Variants in NEURL4 observed in about 807,000 individuals in gnomAD.
NEURL4 encodes the protein neuralized E3 ubiquitin protein ligase 4.
NEURL4 carries 45 observed loss-of-function variants against 148.0 expected under a neutral mutation model. The observed-to-expected ratio is 0.30, with a 90% CI of 0.24 to 0.39. The LOEUF is 0.39. Among genes scored for constraint, NEURL4 ranks in the 10% least tolerant of loss-of-function variants. The pLI is 1.00. For missense variants in NEURL4, 1,776 were observed against 2,144.0 expected, an observed-to-expected ratio of 0.83 and a Z score of 3.39; for synonymous variants, 854 against 869.0, an observed-to-expected ratio of 0.98 and a Z score of 0.30.
chr17:7,315,981 G>A lies in NEURL4; in HGVS notation c.*142C>T, dbSNP rs1158867562. The A allele has an allele frequency of 4.7e-6, 3 of 636,278 alleles. No individual in the cohort carries two copies. Among genetic ancestry groups the A allele is most frequent in the Non-Finnish European group, 8.6e-6 (3 of 349,156 alleles). 39.4% of individuals were successfully genotyped at this position (636,278 alleles called of 1,614,324 possible). A position where few individuals can be genotyped will look rare whatever the true frequency, so the allele number is the denominator to read the frequency against. On this transcript the variant is annotated 3_prime_UTR_variant, in exon 29 of 29. Coordinates refer to ENST00000399464, the MANE Select transcript of NEURL4 (RefSeq NM_032442.3). Reference sequence around the variant, plus strand: ...TGCCACTTGCCACCTACATCTGAGAGCCTGCCTACATGCTCCTGCGCGGCT... The same window carrying A: ...TGCCACTTGCCACCTACATCTGAGAACCTGCCTACATGCTCCTGCGCGGCT...
At chr17:7,319,241 C>T in intron 21 of NEURL4, 33 bp from the exon 22 acceptor site, 1 of 1,576,158 alleles carries the variant, frequency 6.3e-7, no homozygotes, top group South Asian at 1.2e-5. Flanking sequence ...ATAATCACAG[C>T]CTCCTGGGAA....
At position 7,321,747 on chromosome 17, in the gene NEURL4, A is replaced by G; in HGVS notation, c.2912T>C (p.Leu971Pro). The G allele has an allele frequency of 6.2e-7, 1 of 1,613,654 alleles. No homozygotes were observed. The stretch of plus-strand genomic sequence containing the variant: ...TGCTAGTGTGGTCAGCCCCAGCCGC[A>G]GGGAACCTGCCCACTTCTCATCTAG... The part of the protein sequence containing the change: ...EELDEKWAGS[L>P]RLGLTTLAPG... The change falls in exon 18 of 29, where the codon CTG (leucine) becomes CCG (proline). Residue 971 changes from leucine to proline, a missense_variant. Physicochemically the swap from Leu to Pro is moderately conservative, Grantham distance 98. Coordinates refer to ENST00000399464, the MANE Select transcript of NEURL4 (RefSeq NM_032442.3). The surrounding 1 kb of genome is among the most constrained non-coding windows in gnomAD (Gnocchi z 6.3).
rs750227891 is a variant in NEURL4 at position 7,322,048 on chromosome 17, G to A, written c.2726-38C>T. 3 of 1,555,218 alleles carry A rather than the reference G, an allele frequency of 1.9e-6. No homozygotes were observed. The highest frequency in any genetic ancestry group is 2.6e-6 in the Non-Finnish European group (3 of 1,154,916). On this transcript the variant is annotated intron_variant, in intron 16 of 28. Transcript: ENST00000399464. This position sits in a 1 kb window ranked among gnomAD's most constrained non-coding sequence, Gnocchi z 5.5. ...GGCACCAGTAGAAGGGGTAGGATTG[G>A]GGCAGCGAGCTTCAGGCAGAACACA...
intron 21 of NEURL4, among the ~76,000 whole-genome samples, 166 bp from the exon 22 acceptor site, chr17:7,319,374 CTTTTTTTTTTTTTTT>C (rs374281551): frequency 2.6e-5 from 3 of 113,932 alleles, no homozygotes; most frequent in African/African-American, 4.3e-5. Context: ...TTCTTTCCCT[CTTTTTTTTTTTTTTT>C]TTTTTTTTTT....
chr17:7,320,188 G>A lies in NEURL4; in HGVS notation c.3525+571C>T, dbSNP rs184598982. On this transcript the variant is annotated intron_variant, in intron 21 of 28. Transcript: ENST00000399464. ...TGCTCTATCTCCCAGGCTAGAGTGC[G>A]GTGGCGTGATCTCGGCTTACTGTAA... Among the ~76,000 whole-genome samples, 17 of 148,246 alleles carry A rather than the reference G, an allele frequency of 1.1e-4. No individual in the cohort carries two copies. The East Asian group carries it at 3.0e-3, about 26-fold the overall frequency.
chr17:7,322,665 C>T lies in NEURL4; in HGVS notation c.2725+70G>A. The stretch of plus-strand genomic sequence containing the variant: ...ACCGTCTTTGCAGAACCTCTCTAAC[C>T]TGGAAACCCTACTCCTCAGGTGCAC... On this transcript the variant is annotated intron_variant, in intron 16 of 28. Coordinates refer to ENST00000399464, the MANE Select transcript of NEURL4 (RefSeq NM_032442.3). This position sits in a 1 kb window ranked among gnomAD's most constrained non-coding sequence, Gnocchi z 5.5. 1 of 1,573,878 alleles carries T rather than the reference C, an allele frequency of 6.4e-7. No homozygotes were observed. Among genetic ancestry groups the T allele is most frequent in the Non-Finnish European group, 8.6e-7 (1 of 1,160,192 alleles).
Position 7,324,318 on chromosome 17 carries a change from C to T in NEURL4, c.1900-48G>A, listed in dbSNP as rs367861949. ...GTGAGGAGTCAGGCAGAGTTCCTGC[C>T]GGGGCTGGTCCTGCATCAGCCCCGC... On this transcript the variant is annotated intron_variant, in intron 10 of 28. Transcript: ENST00000399464. This position sits in a 1 kb window ranked among gnomAD's most constrained non-coding sequence, Gnocchi z 5.9. 196 of 1,613,194 alleles carry T rather than the reference C, an allele frequency of 1.2e-4. No individual in the cohort carries two copies. Among genetic ancestry groups the T allele is most frequent in the East Asian group, 9.4e-4 (42 of 44,870 alleles).
In NEURL4 at chr17:7,326,411, C is replaced by T. The variant is rs369053080; in HGVS notation, c.1204+26G>A. 1.3e-4 allele frequency: 217 copies of T among 1,613,120 alleles called. No homozygotes were observed. In the Admixed American group the frequency reaches 2.0e-3, roughly 15 times the overall value. On this transcript the variant is annotated intron_variant, in intron 5 of 28. Transcript: ENST00000399464. The surrounding 1 kb of genome is among the most constrained non-coding windows in gnomAD (Gnocchi z 6.0). Reference sequence around the variant, plus strand: ...TCCCCTCAGCAACACCAGGCCTGCACCCCCGCCCCTGCCCGGGGCTGGTAC... The same window carrying T: ...TCCCCTCAGCAACACCAGGCCTGCATCCCCGCCCCTGCCCGGGGCTGGTAC...
In NEURL4 at chr17:7,324,235, G is replaced by A. The variant is rs765388042; in HGVS notation, c.1935C>T (p.Asp645=). 77 of 1,612,462 alleles carry A rather than the reference G, an allele frequency of 4.8e-5. No individual in the cohort carries two copies. The highest frequency in any genetic ancestry group is 2.5e-4 in the East Asian group (11 of 44,882). The change falls in exon 11 of 29, where the codon GAC becomes GAT. Residue 645 remains aspartate, a synonymous_variant. Transcript: ENST00000399464. This position sits in a 1 kb window ranked among gnomAD's most constrained non-coding sequence, Gnocchi z 5.9. ...CATTGACAAAGAAGTGGAGAGTCCC[G>A]TCCTCCCGCCGTACCACGCCCACCG... ...GDTVGVVRRE[D]GTLHFFVNGM...
At position 7,324,714 on chromosome 17, in the gene NEURL4, A is replaced by C; in HGVS notation, c.1813+85T>G. The stretch of plus-strand genomic sequence containing the variant: ...GTGGTCACAAGAGTGACAAGTGAAA[A>C]AGGAGCTGCAGAACAAGTGCCAGGG... On this transcript the variant is annotated intron_variant, in intron 9 of 28. Transcript: ENST00000399464. The surrounding 1 kb of genome is among the most constrained non-coding windows in gnomAD (Gnocchi z 5.9). 6.9e-7 allele frequency: 1 copy of C among 1,442,356 alleles called. No individual in the cohort carries two copies. Among genetic ancestry groups the C allele is most frequent in the South Asian group, 1.2e-5 (1 of 82,784 alleles). The allele number at this position is 1,442,356 out of a possible 1,614,324, so 89.3% of individuals were successfully genotyped here. A position where few individuals can be genotyped will look rare whatever the true frequency, so the allele number is the denominator to read the frequency against.
chr17:7,329,302 C>T lies in NEURL4; in HGVS notation c.11G>A (p.Gly4Glu). ...CCCAGAGCCCCCACTCCCACCCGACCCTGCCGCCATCTCCGCTGACACCGG... is the reference window on the plus strand; with the variant it reads ...CCCAGAGCCCCCACTCCCACCCGACTCTGCCGCCATCTCCGCTGACACCGG... Reference protein sequence around the residue: MAAGSGGSGGSGGG... With the variant: MAAESGGSGGSGGG... The change falls in exon 1 of 29, where the codon GGG becomes GAG. Residue 4 changes from glycine to glutamate, a missense_variant. Transcript: ENST00000399464. 6 of 1,401,628 alleles carry T rather than the reference C, an allele frequency of 4.3e-6. No homozygotes were observed. The highest frequency in any genetic ancestry group is 5.5e-6 in the Non-Finnish European group (6 of 1,084,810). 86.8% of individuals were successfully genotyped at this position (1,401,628 alleles called of 1,614,324 possible).
At chr17:7,328,994 C>G (rs1419056324) in intron 1 of NEURL4, 37 bp downstream of exon 1, 2 of 1,506,554 alleles carry the variant, frequency 1.3e-6, no homozygotes, top group Admixed American at 2.0e-5. Flanking sequence ...CCTCCCACCA[C>G]CCTCCACATC....
rs2073054741 is a variant in NEURL4, at chr17:7,323,131, G to C, written c.2418-8C>G. 6.2e-7 allele frequency: 1 copy of C among 1,607,252 alleles called. No individual in the cohort carries two copies. The highest frequency in any genetic ancestry group is 1.3e-5 in the African/African-American group (1 of 74,824). On this transcript the variant is annotated splice_polypyrimidine_tract_variant and splice_region_variant and intron_variant, in intron 14 of 28. Coordinates refer to ENST00000399464, the MANE Select transcript of NEURL4 (RefSeq NM_032442.3). ...TGCATGATGGCTGTACCACTGGGGG[G>C]ATGGCAGAAGGGGTGAGTCAGCCTG...
At chr17:7,325,588 T>C in intron 7 of NEURL4, 53 bp downstream of exon 7, 5 of 1,592,998 alleles carry the variant, frequency 3.1e-6, no homozygotes, top group South Asian at 1.1e-5. Context: ...CAGCCCCCAG[T>C]CCCAGCCCCA....
rs756784497 is a variant in NEURL4, at chr17:7,320,909, C to A, written c.3375G>T (p.Val1125=). The A allele has an allele frequency of 1.2e-6, 2 of 1,613,940 alleles. No individual in the cohort carries two copies. The highest frequency in any genetic ancestry group is 2.2e-5 in the South Asian group (2 of 91,012). ...EEHGLGGQNE[V]GIIPTTLEFL... ...ACTCGAGGGTGGTGGGTATAATACC[C>A]ACTTCATTCTGGCCCTGGTGTGGAG... Residue 1125 remains valine, a synonymous_variant, in exon 21 of 29, where the codon GTG becomes GTT. Transcript: ENST00000399464.
chr17:7,321,873 C>G lies in NEURL4; in HGVS notation c.2863G>C (p.Val955Leu). The change falls in exon 17 of 29, where the codon GTC (valine) becomes CTC (leucine). Residue 955 changes from valine to leucine, a missense_variant. Coordinates refer to ENST00000399464, the MANE Select transcript of NEURL4 (RefSeq NM_032442.3). This position sits in a 1 kb window ranked among gnomAD's most constrained non-coding sequence, Gnocchi z 6.3. ...ACATCACTACGGCCTACCTCAAAGA[C>G]TTCCTCAGCCCTCAGCTCCTTGGTA... ...FSTKELRAEE[V>L]FEVKVEELDE... 6.2e-7 allele frequency: 1 copy of G among 1,613,526 alleles called. No individual in the cohort carries two copies. The highest frequency in any genetic ancestry group is 2.2e-5 in the East Asian group (1 of 44,880).
At chr17:7,320,680 A>C in intron 21 of NEURL4, 79 bp downstream of exon 21, 2 of 1,362,470 alleles carry the variant, frequency 1.5e-6, no homozygotes, top group Non-Finnish European at 1.0e-6. Context: ...TTCTCCACAC[A>C]AAAAGGCCTT....
In NEURL4 at chr17:7,324,450, A is replaced by G; in HGVS notation, c.1844T>C (p.Met615Thr). ...GTWMMTGNGVMHNGTTILDEY... is the reference protein window; with the variant it reads ...GTWMMTGNGVTHNGTTILDEY... ...ATCCAGGATGGTCGTCCCATTGTGC[A>G]TCACCCCATTCCCAGTCATCATCCA... The change falls in exon 10 of 29, where the codon ATG (methionine) becomes ACG (threonine). Residue 615 changes from methionine (M) to threonine (T), a missense_variant. Transcript: ENST00000399464. The surrounding 1 kb of genome is among the most constrained non-coding windows in gnomAD (Gnocchi z 5.9). 1 of 1,614,156 alleles carries G rather than the reference A, an allele frequency of 6.2e-7. No homozygotes were observed. Among genetic ancestry groups the G allele is most frequent in the Non-Finnish European group, 8.5e-7 (1 of 1,180,004 alleles).
chr17:7,318,279 G>A lies in NEURL4; in HGVS notation c.3942C>T (p.Asp1314=), dbSNP rs923049560. ...TTTGGGCTGGCACACCGTCCACCAT[G>A]TCTGCTTTCTCCATGTCCCCTTGGG... ...AGTQGDMEKA[D]MVDGIKESVC... is the part of the protein sequence containing the mutation. The change falls in exon 24 of 29, where the codon GAC becomes GAT. Residue 1314 remains aspartate, a synonymous_variant. Transcript: ENST00000399464. This position sits in a 1 kb window ranked among gnomAD's most constrained non-coding sequence, Gnocchi z 4.3. The A allele has an allele frequency of 6.2e-7, 1 of 1,613,982 alleles. No individual in the cohort carries two copies. Among genetic ancestry groups the A allele is most frequent in the Non-Finnish European group, 8.5e-7 (1 of 1,179,996 alleles).
Sources: allele counts gnomAD v4.1 joint callset (sites outside exome capture counted in the v4.1 genomes callset), GRCh38; gene constraint gnomAD v4.1.1; non-coding constraint Gnocchi (gnomAD v3.1); transcripts MANE v1.5; gene names NCBI Gene and HGNC (gene_info 2026-07-23, HGNC 2026-07-21).